ANOS1: variants seen among roughly 807,000 people sequenced by gnomAD.
ANOS1 encodes anosmin 1.
Under a neutral mutation model 59.0 loss-of-function variants are expected in ANOS1, and 6 were observed. That is an observed-to-expected ratio of 0.10 (90% CI 0.06 to 0.20). The LOEUF is 0.20. Among genes scored for constraint, ANOS1 ranks in the 10% least tolerant of loss-of-function variants. The pLI is 1.00. For missense variants in ANOS1, 433 were observed against 542.3 expected, an observed-to-expected ratio of 0.80 and a Z score of 2.00; for synonymous variants, 217 against 223.4, an observed-to-expected ratio of 0.97 and a Z score of 0.25.
intron 8 of ANOS1, among the ~76,000 whole-genome samples, chrX:8,564,669 A>C (rs921754421): frequency 1.8e-5 from 2 of 111,822 alleles, no homozygotes; most frequent in African/African-American, 6.5e-5. Flanking sequence ...GAAGTCCACC[A>C]CATGCAGAAG....
In ANOS1 at chrX:8,553,434, C is replaced by G. The variant is rs948347128; in HGVS notation, c.1354+518G>C. Among the ~76,000 whole-genome samples, 3 of 110,699 alleles carry G rather than the reference C, an allele frequency of 2.7e-5. No homozygotes were observed. The Admixed American group carries it at 2.9e-4, about 11-fold the overall frequency. ...TGAAAAATGCATGACAATATAGCAG[C>G]TCAAACAATGTTACACAGAAATATG... On this transcript the variant is annotated intron_variant, in intron 9 of 13. Coordinates refer to ENST00000262648, the MANE Select transcript of ANOS1 (RefSeq NM_000216.4).
At chrX:8,585,606 T>A (rs1601965220) in intron 5 of ANOS1, among the ~76,000 whole-genome samples, 1 of 111,950 alleles carries the variant, frequency 8.9e-6, no homozygotes, top group African/African-American at 3.2e-5. Context: ...ATTAAACATC[T>A]CTTGAAGTCA....
At chrX:8,585,541 A>G in intron 5 of ANOS1, 145 bp from the exon 6 acceptor site, 1 of 595,623 alleles carries the variant, frequency 1.7e-6, no homozygotes, top group Non-Finnish European at 2.8e-6. Flanking sequence ...TATCATGCCC[A>G]GTTATGAAGA....
At chrX:8,554,542 G>GT (rs757605733) in intron 8 of ANOS1, among the ~76,000 whole-genome samples, 1,960 of 50,754 alleles carry the variant, frequency 0.039, 193 homozygotes, top group Admixed American at 0.14. Context: ...GGCTACAGGA[G>GT]TTTTTTTTTT....
At chrX:8,716,067 G>A (rs985994180) in intron 1 of ANOS1, among the ~76,000 whole-genome samples, 2 of 111,313 alleles carry the variant, frequency 1.8e-5, no homozygotes, top group African/African-American at 6.5e-5. Flanking sequence ...GGCAGTCGAC[G>A]GTCTGAGAGA....
chrX:8,701,008 TC>T (rs1203036901), intron 1 of ANOS1, among the ~76,000 whole-genome samples: 1 of 111,424 alleles, frequency 9.0e-6, no homozygotes, highest in Non-Finnish European at 1.9e-5. Flanking sequence ...AAACTCCATC[TC>T]AAAAAAATAA....
Position 8,553,993 on chromosome X carries a change from T to A in ANOS1, c.1313A>T (p.Asp438Val). The part of the protein sequence containing the change: ...PLEVGAPFYQ[D>V]GQLQVKVYWK... Reference sequence around the variant, plus strand: ...GTAGACTTTAACTTGCAGTTGGCCATCCTGATAGAAGGGAGCTCCGACTTC... The same window carrying A: ...GTAGACTTTAACTTGCAGTTGGCCAACCTGATAGAAGGGAGCTCCGACTTC... Residue 438 changes from aspartate (D) to valine (V), a missense_variant, in exon 9 of 14, where the codon GAT (aspartate) becomes GTT (valine). By Grantham distance (152) the Asp-to-Val change is radical. Coordinates refer to ENST00000262648, the MANE Select transcript of ANOS1 (RefSeq NM_000216.4). The A allele has an allele frequency of 1.7e-6, 2 of 1,209,503 alleles. No homozygotes were observed. Among genetic ancestry groups the A allele is most frequent in the Non-Finnish European group, 2.2e-6 (2 of 893,197 alleles).
intron 3 of ANOS1, among the ~76,000 whole-genome samples, chrX:8,621,661 G>A (rs1038825778): frequency 8.9e-6 from 1 of 111,892 alleles, no homozygotes; most frequent in Non-Finnish European, 1.9e-5. Flanking sequence ...AATAAACACC[G>A]TGTAAGATCA....
At chrX:8,664,288 T>C (rs969320277) in intron 2 of ANOS1, among the ~76,000 whole-genome samples, 13 of 111,610 alleles carry the variant, frequency 1.2e-4, no homozygotes, top group African/African-American at 4.2e-4. Flanking sequence ...CCTCCCGGGT[T>C]CACGCCATTC....
chrX:8,636,971 A>C lies in ANOS1; in HGVS notation c.256-13301T>G, dbSNP rs6640197. On this transcript the variant is annotated intron_variant, in intron 2 of 13. Transcript: ENST00000262648. ...TTATGGATGGAAAACTCCGTTTATA[A>C]TAGAACCTGTTTGGCCTTTAACCCA... Among the ~76,000 whole-genome samples, 449 of 112,529 alleles carry C rather than the reference A, an allele frequency of 4.0e-3. 1 individual carries two copies. The highest frequency in any genetic ancestry group is 0.014 in the African/African-American group (424 of 31,021).
At chrX:8,666,110 C>T (rs749466043) in intron 2 of ANOS1, among the ~76,000 whole-genome samples, 9 of 111,066 alleles carry the variant, frequency 8.1e-5, no homozygotes, top group East Asian at 2.8e-4. Context: ...GCAGGAGGAT[C>T]GCTTGAGGCC....
intron 9 of ANOS1, among the ~76,000 whole-genome samples, chrX:8,549,122 A>C (rs763913961): frequency 8.9e-6 from 1 of 111,998 alleles, no homozygotes; most frequent in East Asian, 2.8e-4. Context: ...CCACAATTTC[A>C]TGCATCGTAA....
chrX:8,650,500 T>A lies in ANOS1; in HGVS notation c.256-26830A>T, dbSNP rs747437657. 4.5e-5 allele frequency among the ~76,000 whole-genome samples: 5 copies of A among 112,203 alleles called. No homozygotes were observed. In the South Asian group the frequency reaches 1.5e-3, roughly 33 times the overall value. On this transcript the variant is annotated intron_variant, in intron 2 of 13. Transcript: ENST00000262648. ...GGCTAGGCCAAGGTGGGCGGATCAC[T>A]TGAAGTCAGGAGTTCAAGACTAGCC...
At position 8,570,717 on chromosome X, in the gene ANOS1, T is replaced by G. The variant is rs1361920683; in HGVS notation, c.857-13A>C. On this transcript the variant is annotated splice_polypyrimidine_tract_variant and intron_variant, in intron 6 of 13. Transcript: ENST00000262648. Reference sequence around the variant, plus strand: ...GGGGCAGATGGATCTGAAATCCCAGTACAAAGACACATCATATGACTCCAC... The same window carrying G: ...GGGGCAGATGGATCTGAAATCCCAGGACAAAGACACATCATATGACTCCAC... 1 of 1,194,905 alleles carries G rather than the reference T, an allele frequency of 8.4e-7. No homozygotes were observed. The highest frequency in any genetic ancestry group is 1.8e-5 in the African/African-American group (1 of 56,863).
At chrX:8,543,497 A>G (rs1391238292) in intron 9 of ANOS1, among the ~76,000 whole-genome samples, 1 of 111,465 alleles carries the variant, frequency 9.0e-6, no homozygotes. Context: ...TATCTTGCTA[A>G]TTACTAAAAT....
At chrX:8,535,550 G>A (rs1241518056) in intron 12 of ANOS1, 41 bp downstream of exon 12, 3 of 1,050,020 alleles carry the variant, frequency 2.9e-6, no homozygotes, top group South Asian at 1.9e-5. Context: ...AGGAGCAGTA[G>A]ATACCAATGA....
chrX:8,611,908 C>A (rs894125583), intron 3 of ANOS1, among the ~76,000 whole-genome samples: 2 of 111,348 alleles, frequency 1.8e-5, no homozygotes, highest in Admixed American at 9.6e-5. Context: ...ATAATAAATA[C>A]ATGATTATAT....
chrX:8,654,589 T>A (rs908265055), intron 2 of ANOS1, among the ~76,000 whole-genome samples: 3 of 112,444 alleles, frequency 2.7e-5, no homozygotes, highest in African/African-American at 9.7e-5. Flanking sequence ...GAATTTAACA[T>A]AAAGAGCCTT....
chrX:8,653,729 C>T (rs1261279776), intron 2 of ANOS1, among the ~76,000 whole-genome samples: 3 of 111,667 alleles, frequency 2.7e-5, no homozygotes, highest in Non-Finnish European at 5.6e-5. Context: ...TGGCTCACTG[C>T]GTTTTTTGTC....
Sources: gnomAD v4.1 joint callset for allele counts (sites outside exome capture counted in the v4.1 genomes callset) on GRCh38, gnomAD v4.1.1 for gene constraint, MANE v1.5 for transcripts, NCBI Gene and HGNC (gene_info 2026-07-23, HGNC 2026-07-21) for gene names.